Variants in ATP9B observed in about 807,000 individuals in gnomAD.
ATP9B encodes probable phospholipid-transporting ATPase IIB.
ATP9B carries 110 observed loss-of-function variants against 146.1 expected under a neutral mutation model. That is an observed-to-expected ratio of 0.75 (90% CI 0.65 to 0.88). The LOEUF is 0.88. Among genes scored for constraint, ATP9B ranks in the 40% least tolerant of loss-of-function variants. The probability of loss-of-function intolerance (pLI) is 0.00; values close to 1 mark genes in which losing one functional copy is unlikely to be tolerated. For synonymous variants in ATP9B, 604 were observed against 569.7 expected (o/e 1.06, Z -0.86); for missense variants, 1,499 against 1,496.4 (o/e 1.00, Z -0.03).
chr18:79,312,083 G>C (rs928239808), intron 15 of ATP9B, among the ~76,000 whole-genome samples: 3 of 152,170 alleles, frequency 2.0e-5, no homozygotes, highest in Non-Finnish European at 4.4e-5. Context: ...ACAGCGTTGA[G>C]ACCGGTCTGC....
chr18:79,325,080 C>A (rs1025136255), intron 15 of ATP9B, among the ~76,000 whole-genome samples: 1 of 152,182 alleles, frequency 6.6e-6, no homozygotes, highest in African/African-American at 2.4e-5. Flanking sequence ...CCCTGAGCCC[C>A]TCTCCCAGGT....
Position 79,113,240 on chromosome 18 carries a change from G to C in ATP9B, c.445-1G>C. 1 of 1,523,202 alleles carries C rather than the reference G, an allele frequency of 6.6e-7. No homozygotes were observed. The highest frequency in any genetic ancestry group is 9.0e-7 in the Non-Finnish European group (1 of 1,115,656). The allele number at this position is 1,523,202 out of a possible 1,614,324, so 94.4% of individuals were successfully genotyped here. On this transcript the variant is annotated splice_acceptor_variant, in intron 3 of 29. Coordinates refer to ENST00000426216, the MANE Select transcript of ATP9B (RefSeq NM_198531.5). LOFTEE classifies it high-confidence loss of function. The stretch of plus-strand genomic sequence containing the variant: ...TGTTAATTTTCTCTTTTCCTTTTTA[G>C]GTTTTGTATGAACAATTCAAGTTTT...
rs2074717230 is a variant in ATP9B, at chr18:79,095,594, T to TAAA, written c.120-878_120-876dup. On this transcript the variant is annotated intron_variant, in intron 1 of 29. Transcript: ENST00000426216. The stretch of plus-strand genomic sequence containing the variant: ...CTTCTATATGGAATTTAGAGAATGT[T>TAAA]AAAAAAGATTTCAATATAAATGACT... The TAAA allele has an allele frequency of 1.3e-5, 2 of 152,134 alleles. 1 individual carries two copies. Among genetic ancestry groups the TAAA allele is most frequent in the Non-Finnish European group, 2.9e-5 (2 of 68,014 alleles). 9.4% of individuals were successfully genotyped at this position (152,134 alleles called of 1,614,324 possible).
At chr18:79,291,380 G>A (rs996921125) in intron 13 of ATP9B, among the ~76,000 whole-genome samples, 6 of 152,120 alleles carry the variant, frequency 3.9e-5, no homozygotes, top group African/African-American at 1.4e-4. Flanking sequence ...GAAATCATCA[G>A]TGTTTGAAAT....
chr18:79,318,235 G>C (rs1182477214), intron 15 of ATP9B, among the ~76,000 whole-genome samples: 1 of 152,232 alleles, frequency 6.6e-6, no homozygotes, highest in African/African-American at 2.4e-5. Flanking sequence ...TCGTCCCAAA[G>C]AGCATGGTGT....
At chr18:79,074,042 C>T (rs2072307023) in intron 1 of ATP9B, among the ~76,000 whole-genome samples, 1 of 152,174 alleles carries the variant, frequency 6.6e-6, no homozygotes, top group South Asian at 2.1e-4. Flanking sequence ...TGCAGCCACC[C>T]TGTTTAGATT....
rs148960632 is a variant in ATP9B at position 79,110,496 on chromosome 18, T to C, written c.435T>C (p.Phe145=). 67 of 1,608,342 alleles carry C rather than the reference T, an allele frequency of 4.2e-5. No individual in the cohort carries two copies. The African/African-American group carries it at 8.6e-4, about 21-fold the overall frequency. The part of the protein sequence containing the change: ...IKNQKYNVFT[F]IPGVLYEQFK... ...ATCAAAAATACAATGTGTTTACCTT[T>C]ATACCTGGGGTAAGACTATTGCATT... is the stretch of plus-strand genomic sequence containing the variant. Residue 145 remains phenylalanine (F), a synonymous_variant, in exon 3 of 30, where the codon TTT becomes TTC. Transcript: ENST00000426216.
At chr18:79,240,973 T>C (rs1019549981) in intron 11 of ATP9B, among the ~76,000 whole-genome samples, 1 of 152,126 alleles carries the variant, frequency 6.6e-6, no homozygotes, top group Non-Finnish European at 1.5e-5. Flanking sequence ...GGAATAGACA[T>C]AGTAAGACCT....
chr18:79,106,079 T>G (rs1027657344), intron 2 of ATP9B, among the ~76,000 whole-genome samples: 1 of 152,226 alleles, frequency 6.6e-6, no homozygotes, highest in African/African-American at 2.4e-5. Flanking sequence ...TGTGAAAAGC[T>G]ACTAATCCTA....
At chr18:79,177,369 G>A (rs1189318690) in intron 8 of ATP9B, among the ~76,000 whole-genome samples, 1 of 152,062 alleles carries the variant, frequency 6.6e-6, no homozygotes, top group African/African-American at 2.4e-5. Flanking sequence ...CTGAGTAGAT[G>A]GGAGTACAGG....
rs73971517 is a variant in ATP9B at position 79,204,273 on chromosome 18, T to C, written c.955-2664T>C. Among the ~76,000 whole-genome samples, 777 of 152,330 alleles carry C rather than the reference T, an allele frequency of 5.1e-3. 11 individuals carry two copies. The highest frequency in any genetic ancestry group is 0.017 in the African/African-American group (706 of 41,570). ...TTTAAAGCCCGTAATAGTGGTGTGT[T>C]AGCTACTGTGCAGGAGCTTAATTTC... is the stretch of plus-strand genomic sequence containing the variant. On this transcript the variant is annotated intron_variant, in intron 9 of 29. Coordinates refer to ENST00000426216, the MANE Select transcript of ATP9B (RefSeq NM_198531.5).
At chr18:79,220,717 G>C (rs1193606164) in intron 11 of ATP9B, among the ~76,000 whole-genome samples, 1 of 152,184 alleles carries the variant, frequency 6.6e-6, no homozygotes, top group Non-Finnish European at 1.5e-5. Context: ...ATCTTCTAGG[G>C]AGACAAGTCT....
At chr18:79,227,711 C>G (rs532090364) in intron 11 of ATP9B, among the ~76,000 whole-genome samples, 47 of 152,334 alleles carry the variant, frequency 3.1e-4, no homozygotes, top group Middle Eastern at 3.4e-3. Flanking sequence ...CCCGACTGTT[C>G]TCCTTCCTCA....
chr18:79,072,924 G>T (rs2072083254), intron 1 of ATP9B, among the ~76,000 whole-genome samples: 1 of 151,864 alleles, frequency 6.6e-6, no homozygotes, highest in Non-Finnish European at 1.5e-5. Flanking sequence ...AGGGCGGCCG[G>T]GCAGAGGCGC....
chr18:79,110,568 A>G (rs1283269371), intron 3 of ATP9B, 63 bp downstream of exon 3: 10 of 1,504,228 alleles, frequency 6.6e-6, no homozygotes, highest in Non-Finnish European at 9.0e-6. Flanking sequence ...CCTTTGCTAT[A>G]GGATGGAGCC....
chr18:79,335,961 TCTCCCCCAGTGTACACCAGGAGCC>T (rs1256412347), intron 17 of ATP9B, among the ~76,000 whole-genome samples: 1 of 151,418 alleles, frequency 6.6e-6, no homozygotes, highest in East Asian at 2.0e-4. Flanking sequence ...GGGGTCCCCC[TCTCCCCCAGTGTACACCAGGAGCC>T]CTCCCTGGCA....
At chr18:79,208,334 G>A (rs1057315008) in intron 10 of ATP9B, among the ~76,000 whole-genome samples, 1 of 152,216 alleles carries the variant, frequency 6.6e-6, no homozygotes, top group Non-Finnish European at 1.5e-5. Context: ...AGAATATGCA[G>A]ATGTGGCAGG....
At chr18:79,131,461 A>C (rs1027468286) in intron 5 of ATP9B, among the ~76,000 whole-genome samples, 3 of 152,334 alleles carry the variant, frequency 2.0e-5, no homozygotes, top group African/African-American at 4.8e-5. Flanking sequence ...GGGAAGTGCA[A>C]ATCTCTATGA....
chr18:79,179,104 T>C (rs1163992000), intron 8 of ATP9B, among the ~76,000 whole-genome samples: 1 of 152,246 alleles, frequency 6.6e-6, no homozygotes, highest in Admixed American at 6.5e-5. Flanking sequence ...TCATTTCACG[T>C]AAGTTGACAA....
Sources: gnomAD v4.1 joint callset for allele counts (sites outside exome capture counted in the v4.1 genomes callset) on GRCh38, gnomAD v4.1.1 for gene constraint, MANE v1.5 for transcripts, NCBI Gene and HGNC (gene_info 2026-07-23, HGNC 2026-07-21) for gene names.